CSMD1: variants seen among roughly 807,000 people sequenced by gnomAD.
CSMD1 encodes CUB and sushi domain-containing protein 1.
CSMD1 carries 213 observed loss-of-function variants against 417.5 expected under a neutral mutation model. The ratio of observed to expected loss-of-function variants is 0.51; its 90% CI spans 0.46 to 0.57. The LOEUF (loss-of-function observed/expected upper bound fraction) is 0.57, where lower values mean the gene tolerates loss of function less well. Ranked by LOEUF, CSMD1 falls within the 20% of genes least tolerant of loss-of-function variation. The pLI is 0.00. For missense variants in CSMD1, 6,923 were observed against 4,529.7 expected (o/e 1.53, Z -15.17); for synonymous variants, 2,862 against 1,736.8 (o/e 1.65, Z -16.11).
At chr8:3,312,424 G>T (rs1210679178) in intron 23 of CSMD1, among the ~76,000 whole-genome samples, 1 of 152,048 alleles carries the variant, frequency 6.6e-6, no homozygotes, top group Non-Finnish European at 1.5e-5. Flanking sequence ...AAGCCTCTAG[G>T]CTTGTGTGAT....
Position 3,087,221 on chromosome 8 carries a change from C to T in CSMD1, c.7350G>A (p.Ala2450=), listed in dbSNP as rs189926727. 2.8e-5 allele frequency: 45 copies of T among 1,613,916 alleles called. No individual in the cohort carries two copies. The highest frequency in any genetic ancestry group is 2.4e-4 in the African/African-American group (18 of 75,026). The change falls in exon 49 of 70, where the codon GCG becomes GCA. Residue 2450 remains alanine, a synonymous_variant. Transcript: ENST00000635120. ...AAAAATAATGCACTTTGCTTCCAAC[C>T]GCTCCTGCAGTCCTGTTTAGAATAC... ...NGGILNRTAG[A]VGSKVHYFCK...
chr8:4,296,036 C>G (rs1444456700), intron 3 of CSMD1, among the ~76,000 whole-genome samples: 1 of 151,928 alleles, frequency 6.6e-6, no homozygotes, highest in Non-Finnish European at 1.5e-5. Context: ...ATGAAACTGT[C>G]TAATTGCAAA....
At chr8:3,888,643 T>A (rs530827595) in intron 5 of CSMD1, among the ~76,000 whole-genome samples, 44 of 152,148 alleles carry the variant, frequency 2.9e-4, no homozygotes, top group African/African-American at 1.1e-3. Flanking sequence ...AAGTGCTCTA[T>A]CATGTTGAGA....
chr8:3,245,795 G>T (rs1162346291), intron 26 of CSMD1, among the ~76,000 whole-genome samples: 1 of 152,168 alleles, frequency 6.6e-6, no homozygotes, highest in Non-Finnish European at 1.5e-5. Flanking sequence ...AAGCCCTCTT[G>T]CTAGGGGACT....
chr8:3,411,877 T>G (rs1406971865), intron 12 of CSMD1, among the ~76,000 whole-genome samples: 1 of 115,442 alleles, frequency 8.7e-6, no homozygotes, highest in African/African-American at 3.2e-5. Flanking sequence ...TATGCACGTA[T>G]ATATACACGT....
At chr8:4,098,775 G>A (rs116343939) in intron 3 of CSMD1, among the ~76,000 whole-genome samples, 2 of 152,110 alleles carry the variant, frequency 1.3e-5, no homozygotes, top group Admixed American at 6.6e-5. Context: ...GGATAGAATT[G>A]CAGTCATTAC....
chr8:4,617,153 C>G (rs1801516008), intron 2 of CSMD1, among the ~76,000 whole-genome samples: 3 of 152,040 alleles, frequency 2.0e-5, no homozygotes, highest in African/African-American at 7.2e-5. Context: ...AGATGTATTT[C>G]TATTATCACT....
At chr8:4,810,794 TATA>T (rs1798854343) in intron 1 of CSMD1, among the ~76,000 whole-genome samples, 1 of 152,172 alleles carries the variant, frequency 6.6e-6, no homozygotes, top group South Asian at 2.1e-4. Context: ...ATATCACCAA[TATA>T]ATAAATCATA....
At chr8:4,157,049 C>A (rs1054243043) in intron 3 of CSMD1, among the ~76,000 whole-genome samples, 3 of 152,108 alleles carry the variant, frequency 2.0e-5, no homozygotes, top group Non-Finnish European at 4.4e-5. Context: ...ACACAAGGAG[C>A]CTGTAGACCA....
rs180860680 is a variant in CSMD1 at position 4,565,026 on chromosome 8, T to G, written c.302+72316A>C. 2.0e-5 allele frequency among the ~76,000 whole-genome samples: 3 copies of G among 152,322 alleles called. No homozygotes were observed. In the East Asian group the frequency reaches 5.8e-4, roughly 29 times the overall value. On this transcript the variant is annotated intron_variant, in intron 2 of 69. Coordinates refer to ENST00000635120, the MANE Select transcript of CSMD1 (RefSeq NM_033225.6). ...CTGTAATGATAGATGTCTGTCATCT[T>G]CAACAAAATGGATTTCAAGGCCTAG...
chr8:4,865,994 T>C (rs1802402352), intron 1 of CSMD1, among the ~76,000 whole-genome samples: 1 of 151,976 alleles, frequency 6.6e-6, no homozygotes, highest in South Asian at 2.1e-4. Flanking sequence ...TGTAACTTAA[T>C]AGCAACATCT....
chr8:3,935,529 C>G (rs1227857658), intron 5 of CSMD1, among the ~76,000 whole-genome samples: 1 of 152,140 alleles, frequency 6.6e-6, no homozygotes, highest in Non-Finnish European at 1.5e-5. Context: ...ATTTTGGTAA[C>G]TTTCATAATA....
At chr8:4,017,048 G>C (rs945608761) in intron 4 of CSMD1, among the ~76,000 whole-genome samples, 6 of 152,166 alleles carry the variant, frequency 3.9e-5, no homozygotes, top group African/African-American at 1.4e-4. Context: ...AGGAACAAAA[G>C]CAGATATTCA....
At chr8:4,054,859 T>C (rs1798610056) in intron 3 of CSMD1, among the ~76,000 whole-genome samples, 1 of 152,172 alleles carries the variant, frequency 6.6e-6, no homozygotes, top group Non-Finnish European at 1.5e-5. Context: ...GGAGAGAATG[T>C]ATTGAAATGT....
chr8:3,092,003 T>C (rs1814980400), intron 47 of CSMD1, among the ~76,000 whole-genome samples: 1 of 152,200 alleles, frequency 6.6e-6, no homozygotes, highest in African/African-American at 2.4e-5. Context: ...ATAGAAACTT[T>C]CATGTAATAC....
chr8:3,448,217 G>A (rs1815426832), intron 12 of CSMD1, among the ~76,000 whole-genome samples: 1 of 147,984 alleles, frequency 6.8e-6, no homozygotes, highest in South Asian at 2.2e-4. Context: ...GTTTCCTGAT[G>A]GGGCCAACTC....
At chr8:3,167,242 A>AC (rs1563103745) in intron 37 of CSMD1, among the ~76,000 whole-genome samples, 1 of 149,308 alleles carries the variant, frequency 6.7e-6, no homozygotes, top group African/African-American at 2.5e-5. Flanking sequence ...CCGAGATCGC[A>AC]CACTGCACTC....
At chr8:4,853,230 T>C (rs1213600567) in intron 1 of CSMD1, among the ~76,000 whole-genome samples, 1 of 152,164 alleles carries the variant, frequency 6.6e-6, no homozygotes, top group East Asian at 1.9e-4. Flanking sequence ...GGAATGCATT[T>C]CAGAGATCTA....
chr8:4,987,651 G>C (rs1193762088), intron 1 of CSMD1, among the ~76,000 whole-genome samples: 1 of 152,152 alleles, frequency 6.6e-6, no homozygotes, highest in Non-Finnish European at 1.5e-5. Flanking sequence ...TGGATTGGAG[G>C]ATGAAAATTA....
Sources: gnomAD v4.1 joint callset for allele counts (sites outside exome capture counted in the v4.1 genomes callset) on GRCh38, gnomAD v4.1.1 for gene constraint, MANE v1.5 for transcripts, NCBI Gene and HGNC (gene_info 2026-07-23, HGNC 2026-07-21) for gene names.